Variants in ITGB1BP1 observed in about 807,000 individuals in gnomAD.
ITGB1BP1 encodes integrin subunit beta 1 binding protein 1.
ITGB1BP1 carries 20 observed loss-of-function variants against 28.0 expected under a neutral mutation model. The observed-to-expected ratio is 0.71, with a 90% CI of 0.50 to 1.04. ITGB1BP1 has a LOEUF of 1.04. ITGB1BP1 is among the 50% of genes least tolerant of loss of function. ITGB1BP1 has a pLI of 0.00. For synonymous variants in ITGB1BP1, 103 were observed against 89.5 expected, an observed-to-expected ratio of 1.15 and a Z score of -0.85; for missense variants, 228 against 242.5, an observed-to-expected ratio of 0.94 and a Z score of 0.40.
chr2:9,419,248 A>G (rs911179497), intron 1 of ITGB1BP1, among the ~76,000 whole-genome samples: 15 of 152,262 alleles, frequency 9.9e-5, no homozygotes, highest in Admixed American at 3.9e-4. Flanking sequence ...TACAGGTGTG[A>G]AAAGCACTTT....
chr2:9,407,001 C>A, intron 6 of ITGB1BP1, 96 bp from the exon 7 acceptor site: 1 of 913,590 alleles, frequency 1.1e-6, no homozygotes, highest in South Asian at 1.3e-5. Context: ...CCTCTTAAGA[C>A]CTCTCCTAAG....
intron 1 of ITGB1BP1, chr2:9,422,990 C>A (rs1328621351): frequency 1.7e-5 from 17 of 988,122 alleles, no homozygotes; most frequent in Non-Finnish European, 1.9e-5. Flanking sequence ...GATGGAGCAC[C>A]TTCCAAGCGC....
intron 1 of ITGB1BP1, chr2:9,420,030 C>T: frequency 2.0e-6 from 2 of 982,616 alleles, no homozygotes; most frequent in Non-Finnish European, 2.4e-6. Flanking sequence ...AAAGGTCCCA[C>T]ATACAGCGGT....
In ITGB1BP1 at chr2:9,422,478, C is replaced by T. The variant is rs1391670060; in HGVS notation, c.-36+895G>A. On this transcript the variant is annotated intron_variant, in intron 1 of 6. Transcript: ENST00000355346. Reference sequence around the variant, plus strand: ...CTGTCAGGCACTTGGCTACTTCTTACCTTTCAAGGCCCGTTTCAGGCTGCA... The same window carrying T: ...CTGTCAGGCACTTGGCTACTTCTTATCTTTCAAGGCCCGTTTCAGGCTGCA... The T allele has an allele frequency of 3.0e-6, 3 of 985,476 alleles. No individual in the cohort carries two copies. In the African/African-American group the frequency reaches 5.2e-5, roughly 17 times the overall value. The allele number at this position is 985,476 out of a possible 1,614,324, so 61.0% of individuals were successfully genotyped here.
chr2:9,421,488 C>T (rs1372069228), intron 1 of ITGB1BP1, among the ~76,000 whole-genome samples: 3 of 152,048 alleles, frequency 2.0e-5, no homozygotes, highest in African/African-American at 7.2e-5. Flanking sequence ...GAGATCGAGA[C>T]CATCCTGGCT....
rs144571052 is a variant in ITGB1BP1 at position 9,410,774 on chromosome 2, A to G, written c.288+1495T>C. 9.6e-3 allele frequency among the ~76,000 whole-genome samples: 1,457 copies of G among 151,904 alleles called. 10 individuals are homozygous for G. Among genetic ancestry groups the G allele is most frequent in the Non-Finnish European group, 0.014 (951 of 67,930 alleles). ...GTTTTTTTTGTAGAAATGAGGTTTCACTGTGTTGCCCAGGCTGGCTTTGAA... is the reference window on the plus strand; with the variant it reads ...GTTTTTTTTGTAGAAATGAGGTTTCGCTGTGTTGCCCAGGCTGGCTTTGAA... On this transcript the variant is annotated intron_variant, in intron 4 of 6. Transcript: ENST00000355346.
intron 1 of ITGB1BP1, chr2:9,422,369 G>A: frequency 1.0e-6 from 1 of 979,104 alleles, no homozygotes. Context: ...ACAGTTCATT[G>A]ATCTCAGCAA....
At chr2:9,413,910 C>T (rs1678785249) in intron 3 of ITGB1BP1, among the ~76,000 whole-genome samples, 1 of 151,774 alleles carries the variant, frequency 6.6e-6, no homozygotes, top group South Asian at 2.1e-4. Context: ...TATTTATTGC[C>T]ACCCCATTTC....
At chr2:9,407,946 G>A (rs1677768266) in intron 5 of ITGB1BP1, 167 bp downstream of exon 5, 2 of 589,018 alleles carry the variant, frequency 3.4e-6, no homozygotes, top group African/African-American at 1.9e-5. Context: ...AGAAAAGGAA[G>A]CCCCTATTCA....
At chr2:9,414,349 G>C (rs939108829) in intron 2 of ITGB1BP1, 93 bp from the exon 3 acceptor site, 4 of 847,786 alleles carry the variant, frequency 4.7e-6, no homozygotes, top group Non-Finnish European at 7.8e-6. Context: ...TATTAGAGTT[G>C]AGCTGACACA....
chr2:9,417,644 C>A (rs532999399), intron 2 of ITGB1BP1, among the ~76,000 whole-genome samples: 1 of 152,140 alleles, frequency 6.6e-6, no homozygotes, highest in Admixed American at 6.5e-5. Flanking sequence ...GTCTCAAACT[C>A]CTGACCTCAG....
rs922151445 is a variant in ITGB1BP1 at position 9,403,880 on chromosome 2, C to G, written c.*2954G>C. ...ACACATTAGCATTGTACTTTCTAGCCCTAATTTGTGAGGTTGCAGCTATCA... is the reference window on the plus strand; with the variant it reads ...ACACATTAGCATTGTACTTTCTAGCGCTAATTTGTGAGGTTGCAGCTATCA... On this transcript the variant is annotated 3_prime_UTR_variant, in exon 7 of 7. Coordinates refer to ENST00000355346, the MANE Select transcript of ITGB1BP1 (RefSeq NM_004763.5). The G allele has an allele frequency of 6.5e-6, 1 of 153,570 alleles. No individual in the cohort carries two copies. The highest frequency in any genetic ancestry group is 1.4e-5 in the Non-Finnish European group (1 of 69,108). 9.5% of individuals were successfully genotyped at this position (153,570 alleles called of 1,614,324 possible).
chr2:9,407,866 A>G (rs1199379066), intron 5 of ITGB1BP1: 2 of 552,218 alleles, frequency 3.6e-6, no homozygotes, highest in African/African-American at 1.9e-5. Flanking sequence ...TTAGTTGAAA[A>G]TGCATTCGGA....
At position 9,423,441 on chromosome 2, in the gene ITGB1BP1, C is replaced by G. The variant is rs1394177965; in HGVS notation, c.-104G>C. ...CGCGTGGGAGTGCCGCGGCCTTTGGCGCCCAGGCAGCTACTCCCGTTCCCG... is the reference window on the plus strand; with the variant it reads ...CGCGTGGGAGTGCCGCGGCCTTTGGGGCCCAGGCAGCTACTCCCGTTCCCG... On this transcript the variant is annotated 5_prime_UTR_variant, in exon 1 of 7. Coordinates refer to ENST00000355346, the MANE Select transcript of ITGB1BP1 (RefSeq NM_004763.5). The G allele has an allele frequency of 1.7e-5, 20 of 1,151,104 alleles. No homozygotes were observed. Among genetic ancestry groups the G allele is most frequent in the Non-Finnish European group, 2.0e-5 (19 of 927,792 alleles). 71.3% of individuals were successfully genotyped at this position (1,151,104 alleles called of 1,614,324 possible).
intron 5 of ITGB1BP1, chr2:9,407,910 T>C (rs1026882982): frequency 1.4e-5 from 8 of 562,188 alleles, no homozygotes; most frequent in African/African-American, 1.3e-4. Flanking sequence ...GGGGGGCAGG[T>C]TGCATGGGCC....
In ITGB1BP1 at chr2:9,423,509, G is replaced by A. The variant is rs950188435; in HGVS notation, c.-172C>T. 1 of 1,194,404 alleles carries A rather than the reference G, an allele frequency of 8.4e-7. No individual in the cohort carries two copies. The highest frequency in any genetic ancestry group is 1.1e-6 in the Non-Finnish European group (1 of 935,872). 74.0% of individuals were successfully genotyped at this position (1,194,404 alleles called of 1,614,324 possible). ...CCAGCCCTCCTGCCCACGTCCGCCG[G>A]GCCGCGCCTCCAAGACTATGCGCAG... On this transcript the variant is annotated 5_prime_UTR_variant, in exon 1 of 7. Transcript: ENST00000355346.
Position 9,407,239 on chromosome 2 carries a change from C to A in ITGB1BP1, c.531+210G>T, listed in dbSNP as rs1315826172. The A allele has an allele frequency of 8.1e-6, 5 of 616,462 alleles. No individual in the cohort carries two copies. The African/African-American group carries it at 9.2e-5, about 11-fold the overall frequency. The allele number at this position is 616,462 out of a possible 1,614,324, so 38.2% of individuals were successfully genotyped here. A position where few individuals can be genotyped will look rare whatever the true frequency, so the allele number is the denominator to read the frequency against. On this transcript the variant is annotated intron_variant, in intron 6 of 6. Coordinates refer to ENST00000355346, the MANE Select transcript of ITGB1BP1 (RefSeq NM_004763.5). Reference sequence around the variant, plus strand: ...TTTGTTTACCTTTTAAATCCCGGCACAAGCGAGTGCTGCCACTGGCCCTAA... The same window carrying A: ...TTTGTTTACCTTTTAAATCCCGGCAAAAGCGAGTGCTGCCACTGGCCCTAA...
At chr2:9,411,039 CT>C (rs200758707) in intron 4 of ITGB1BP1, among the ~76,000 whole-genome samples, 6 of 151,798 alleles carry the variant, frequency 4.0e-5, no homozygotes, top group South Asian at 2.1e-4. Context: ...AATTTACTTT[CT>C]TTTTTTTTCT....
intron 1 of ITGB1BP1, among the ~76,000 whole-genome samples, chr2:9,420,838 T>G (rs1363103726): frequency 6.6e-6 from 1 of 152,194 alleles, no homozygotes; most frequent in African/African-American, 2.4e-5. Context: ...CACAATCAGG[T>G]GTCTTCTGTT....
Sources: gnomAD v4.1 joint callset for allele counts (sites outside exome capture counted in the v4.1 genomes callset) on GRCh38, gnomAD v4.1.1 for gene constraint, MANE v1.5 for transcripts, NCBI Gene and HGNC (gene_info 2026-07-23, HGNC 2026-07-21) for gene names.